The following PDE3A variants were observed in gnomAD, a reference collection of about 807,000 sequenced individuals.
PDE3A encodes the protein cGMP-inhibited 3',5'-cyclic phosphodiesterase 3A.
In PDE3A, 43 loss-of-function variants were observed where a neutral mutation model predicts 98.3. The ratio of observed to expected loss-of-function variants is 0.44; its 90% CI spans 0.34 to 0.56. The LOEUF (loss-of-function observed/expected upper bound fraction) is 0.56, where lower values mean the gene tolerates loss of function less well. Ranked by LOEUF, PDE3A falls within the 20% of genes least tolerant of loss-of-function variation. The probability of loss-of-function intolerance (pLI) is 0.01; values close to 1 mark genes in which losing one functional copy is unlikely to be tolerated. For missense variants in PDE3A, 1,427 were observed against 1,440.7 expected, an observed-to-expected ratio of 0.99 and a Z score of 0.15; for synonymous variants, 663 against 567.9, an observed-to-expected ratio of 1.17 and a Z score of -2.38.
At chr12:20,497,921 G>C (rs1945949809) in intron 1 of PDE3A, among the ~76,000 whole-genome samples, 1 of 152,110 alleles carries the variant, frequency 6.6e-6, no homozygotes, top group Non-Finnish European at 1.5e-5. Flanking sequence ...ACATTAACCA[G>C]CTCTCAGGGA....
At chr12:20,596,436 A>G (rs1368266689) in intron 2 of PDE3A, among the ~76,000 whole-genome samples, 1 of 152,190 alleles carries the variant, frequency 6.6e-6, no homozygotes, top group Non-Finnish European at 1.5e-5. Flanking sequence ...TAATTGTCTC[A>G]TAACATTCTG....
intron 1 of PDE3A, among the ~76,000 whole-genome samples, chr12:20,408,091 T>C (rs554653124): frequency 5.1e-4 from 77 of 152,174 alleles, no homozygotes; most frequent in South Asian, 3.3e-3. Context: ...CAGCTAATTT[T>C]TGTATTTTTA....
chr12:20,528,345 G>A (rs900840102), intron 1 of PDE3A, among the ~76,000 whole-genome samples: 15 of 152,212 alleles, frequency 9.9e-5, no homozygotes, highest in African/African-American at 3.4e-4. Flanking sequence ...GCACACTGGT[G>A]TTGAATAATA....
At chr12:20,399,370 G>T (rs1050377087) in intron 1 of PDE3A, among the ~76,000 whole-genome samples, 3 of 152,114 alleles carry the variant, frequency 2.0e-5, no homozygotes, top group Non-Finnish European at 4.4e-5. Flanking sequence ...CAAAGGAGCT[G>T]CAGCAAATGT....
chr12:20,529,056 C>G (rs908012615), intron 1 of PDE3A, among the ~76,000 whole-genome samples: 4 of 152,006 alleles, frequency 2.6e-5, no homozygotes, highest in Non-Finnish European at 4.4e-5. Context: ...TAAATATGTT[C>G]TAGAATCATG....
rs1339516325 is a variant in PDE3A, at chr12:20,368,605, A to AT, written c.-669dup. ...CTTCTTATTTCTCAGCCCCTTGTCC[A>AT]TTTTTTTTTTTCCATCCTTTGCCAT... is the stretch of plus-strand genomic sequence containing the variant. On this transcript the variant is annotated 5_prime_UTR_variant, in exon 1 of 16. Coordinates refer to ENST00000359062, the MANE Select transcript of PDE3A (RefSeq NM_000921.5). Among the ~76,000 whole-genome samples the AT allele has an allele frequency of 1.1e-3, 152 of 140,032 alleles. No individual in the cohort carries two copies. Among genetic ancestry groups the AT allele is most frequent in the African/African-American group, 2.2e-3 (84 of 38,032 alleles). 91.9% of individuals were successfully genotyped at this position (140,032 alleles called of 152,430 possible). A position where few individuals can be genotyped will look rare whatever the true frequency, so the allele number is the denominator to read the frequency against.
At position 20,556,669 on chromosome 12, in the gene PDE3A, C is replaced by A. The variant is rs368093100; in HGVS notation, c.970C>A (p.His324Asn). 3.6e-5 allele frequency: 58 copies of A among 1,592,922 alleles called. No homozygotes were observed. Among genetic ancestry groups the A allele is most frequent in the Non-Finnish European group, 4.9e-5 (57 of 1,161,182 alleles). The change falls in exon 2 of 16, where the codon CAT (histidine) becomes AAT (asparagine). Residue 324 changes from histidine (H) to asparagine (N), a missense_variant. Transcript: ENST00000359062. ...PCIPREQLMG[H>N]SEWDHKRGPR... Reference sequence around the variant, plus strand: ...ATTTTCATCTTTCCAGCTCATGGGGCATTCAGAATGGGACCACAAACGAGG... The same window carrying A: ...ATTTTCATCTTTCCAGCTCATGGGGAATTCAGAATGGGACCACAAACGAGG...
chr12:20,395,663 A>T (rs944425550), intron 1 of PDE3A, among the ~76,000 whole-genome samples: 2 of 138,830 alleles, frequency 1.4e-5, no homozygotes, highest in South Asian at 2.3e-4. Flanking sequence ...ATATATGTAT[A>T]CTACATATAA....
intron 2 of PDE3A, among the ~76,000 whole-genome samples, chr12:20,596,234 T>C (rs1943462753): frequency 6.6e-6 from 1 of 152,180 alleles, no homozygotes; most frequent in African/African-American, 2.4e-5. Context: ...AGTGACTCAC[T>C]ATTATGACCA....
chr12:20,389,351 G>A (rs956681261), intron 1 of PDE3A, among the ~76,000 whole-genome samples: 2 of 151,880 alleles, frequency 1.3e-5, no homozygotes, highest in African/African-American at 4.8e-5. Flanking sequence ...CACTGAGGAG[G>A]CACACTAATA....
chr12:20,654,243 G>C (rs374089970), intron 15 of PDE3A, 38 bp downstream of exon 15: 7 of 1,593,624 alleles, frequency 4.4e-6, no homozygotes, highest in Non-Finnish European at 6.0e-6. Context: ...GTTTTCCCTG[G>C]GATTGCTTTC....
chr12:20,536,860 A>T (rs1002005645), intron 1 of PDE3A, among the ~76,000 whole-genome samples: 1 of 152,038 alleles, frequency 6.6e-6, no homozygotes, highest in Non-Finnish European at 1.5e-5. Flanking sequence ...TTTGTGTTCA[A>T]ATTTTTGTGT....
At chr12:20,650,674 G>A in intron 14 of PDE3A, 74 bp downstream of exon 14, 1 of 839,728 alleles carries the variant, frequency 1.2e-6, no homozygotes, top group Non-Finnish European at 1.8e-6. Flanking sequence ...GCTTCTAACA[G>A]CTATGAAAGT....
At chr12:20,571,981 T>G in intron 2 of PDE3A, 3 of 1,071,230 alleles carry the variant, frequency 2.8e-6, no homozygotes, top group Non-Finnish European at 3.4e-6. Flanking sequence ...TTTAACCTAC[T>G]TCACTATTTG....
chr12:20,391,126 A>G (rs1390376828), intron 1 of PDE3A, among the ~76,000 whole-genome samples: 1 of 151,870 alleles, frequency 6.6e-6, no homozygotes, highest in Non-Finnish European at 1.5e-5. Flanking sequence ...AGTGCTTTTC[A>G]TATGACTAGT....
intron 1 of PDE3A, among the ~76,000 whole-genome samples, chr12:20,404,867 A>G (rs1944204849): frequency 8.8e-6 from 1 of 113,786 alleles, no homozygotes; most frequent in Non-Finnish European, 1.7e-5. Context: ...ACTAGCATGT[A>G]AATCCTTTCT....
At chr12:20,416,504 G>A (rs5014033) in intron 1 of PDE3A, among the ~76,000 whole-genome samples, 94,044 of 152,026 alleles carry the variant, frequency 0.62, 30,832 homozygotes, top group East Asian at 0.88. Flanking sequence ...TTAAGCAGCC[G>A]CTATGTGCCA....
Position 20,613,539 on chromosome 12 carries a change from G to T in PDE3A, c.1108G>T (p.Val370Leu). The T allele has an allele frequency of 6.2e-7, 1 of 1,614,122 alleles. No homozygotes were observed. Among genetic ancestry groups the T allele is most frequent in the Non-Finnish European group, 8.5e-7 (1 of 1,180,000 alleles). ...GGCAGACCCTTCTCTTCCACCAAAC[G>T]TGTGCACATCCTTGAGAGCCGTGAG... ...LLADPSLPPN[V>L]CTSLRAVSNL... The change falls in exon 3 of 16, where the codon GTG (valine) becomes TTG (leucine). Residue 370 changes from valine to leucine, a missense_variant. This residue lies in a region of PDE3A where 1,012 missense variants were observed against 886.5 expected (regional missense o/e 1.14). Coordinates refer to ENST00000359062, the MANE Select transcript of PDE3A (RefSeq NM_000921.5).
chr12:20,565,370 T>A (rs367988068), intron 2 of PDE3A, among the ~76,000 whole-genome samples: 2 of 152,054 alleles, frequency 1.3e-5, no homozygotes, highest in Admixed American at 6.6e-5. Flanking sequence ...TTGAGTAAGA[T>A]CTTGTTTTTT....
Sources: allele counts gnomAD v4.1 joint callset (sites outside exome capture counted in the v4.1 genomes callset), GRCh38; gene constraint gnomAD v4.1.1; regional missense constraint gnomAD v4.1.1; transcripts MANE v1.5; gene names NCBI Gene and HGNC (gene_info 2026-07-23, HGNC 2026-07-21).